The following TCF12 variants were observed in gnomAD, a reference collection of about 807,000 sequenced individuals.
The protein encoded by TCF12 is DNA-binding protein HTF4.
A neutral mutation model predicts 86.0 loss-of-function variants in TCF12; 45 were observed. That is an observed-to-expected ratio of 0.52 (90% confidence interval 0.41 to 0.67). The LOEUF is 0.67. Among genes scored for constraint, TCF12 ranks in the 30% least tolerant of loss-of-function variants. The pLI, the probability that TCF12 is intolerant of heterozygous loss-of-function variation, is 0.00. For missense variants in TCF12, 881 were observed against 859.9 expected, an observed-to-expected ratio of 1.02 and a Z score of -0.31; for synonymous variants, 330 against 299.6, an observed-to-expected ratio of 1.10 and a Z score of -1.05.
intron 3 of TCF12, among the ~76,000 whole-genome samples, chr15:56,993,905 G>GA (rs2063573175): frequency 6.6e-6 from 1 of 152,186 alleles, no homozygotes; most frequent in Non-Finnish European, 1.5e-5. Context: ...ACTCACATGA[G>GA]AAGAGGTGAT....
intron 5 of TCF12, among the ~76,000 whole-genome samples, chr15:57,095,492 T>C (rs2151138034): frequency 6.6e-6 from 1 of 152,334 alleles, no homozygotes; most frequent in Middle Eastern, 3.4e-3. Flanking sequence ...TACTATTATC[T>C]TTTTAATCCC....
intron 13 of TCF12, among the ~76,000 whole-genome samples, chr15:57,249,012 G>A (rs1441134312): frequency 6.6e-6 from 1 of 152,022 alleles, no homozygotes; most frequent in Non-Finnish European, 1.5e-5. Context: ...TGTTACGGGG[G>A]GGCTTACAGA....
At chr15:57,182,874 C>T (rs2056441351) in intron 6 of TCF12, among the ~76,000 whole-genome samples, 1 of 151,962 alleles carries the variant, frequency 6.6e-6, no homozygotes, top group South Asian at 2.1e-4. Context: ...GATTGTAATC[C>T]ACAAATTCAT....
chr15:57,138,093 C>T lies in TCF12; in HGVS notation c.326-28309C>T, dbSNP rs530106898. On this transcript the variant is annotated intron_variant, in intron 5 of 20. Coordinates refer to ENST00000333725, the MANE Select transcript of TCF12 (RefSeq NM_207037.2). ...ACTTGTTCTTCTCTTTTCAGTGGCCCATCCTTAAGCCAGTTCTCTCCTTGG... is the reference window on the plus strand; with the variant it reads ...ACTTGTTCTTCTCTTTTCAGTGGCCTATCCTTAAGCCAGTTCTCTCCTTGG... Among the ~76,000 whole-genome samples, 3 of 152,148 alleles carry T rather than the reference C, an allele frequency of 2.0e-5. No individual in the cohort carries two copies. In the East Asian group the frequency reaches 5.8e-4, roughly 29 times the overall value.
At position 57,136,958 on chromosome 15, in the gene TCF12, GTTTTTTTT is replaced by G. The variant is rs869113042; in HGVS notation, c.326-29440_326-29433del. 1.3e-3 allele frequency among the ~76,000 whole-genome samples: 106 copies of G among 83,044 alleles called. 2 individuals are homozygous for G. Among genetic ancestry groups the G allele is most frequent in the African/African-American group, 4.8e-3 (100 of 20,800 alleles). 54.5% of individuals were successfully genotyped at this position (83,044 alleles called of 152,430 possible). On this transcript the variant is annotated intron_variant, in intron 5 of 20. Coordinates refer to ENST00000333725, the MANE Select transcript of TCF12 (RefSeq NM_207037.2). The stretch of plus-strand genomic sequence containing the variant: ...TAGACAATAGCCACTGCTTCTGGCA[GTTTTTTTT>G]TTTGTTTTTTTTTTTTTTTTTTTTT...
At chr15:57,008,557 C>A (rs2064624627) in intron 3 of TCF12, among the ~76,000 whole-genome samples, 1 of 151,952 alleles carries the variant, frequency 6.6e-6, no homozygotes, top group African/African-American at 2.4e-5. Context: ...TTTCTTGAAG[C>A]CATCATGATT....
intron 4 of TCF12, among the ~76,000 whole-genome samples, chr15:57,083,207 C>G (rs2048421682): frequency 6.6e-6 from 1 of 152,048 alleles, no homozygotes; most frequent in African/African-American, 2.4e-5. Flanking sequence ...GGGGTTTAAA[C>G]TATACTGGTA....
In TCF12 at chr15:57,176,294, C is replaced by G. The variant is rs554892269; in HGVS notation, c.390+9828C>G. ...TTTCCAAATGGTGTTGATGATCCAT[C>G]TGAGGTTGGTGACCAGAAATTACTG... On this transcript the variant is annotated intron_variant, in intron 6 of 20. Transcript: ENST00000333725. 8.1e-4 allele frequency among the ~76,000 whole-genome samples: 124 copies of G among 152,296 alleles called. 2 individuals carry two copies. In the South Asian group the frequency reaches 0.025, roughly 31 times the overall value.
intron 3 of TCF12, among the ~76,000 whole-genome samples, chr15:56,924,323 T>C (rs1445378721): frequency 1.3e-5 from 2 of 152,218 alleles, no homozygotes; most frequent in Non-Finnish European, 2.9e-5. Flanking sequence ...CTTTTGTAAC[T>C]GCATCCACTT....
intron 3 of TCF12, among the ~76,000 whole-genome samples, chr15:56,936,777 C>T (rs754919079): frequency 4.0e-5 from 6 of 151,886 alleles, no homozygotes; most frequent in African/African-American, 7.2e-5. Context: ...TGTTGAAGAT[C>T]GGCTTTAAGT....
chr15:57,077,746 T>TA (rs369413643), intron 4 of TCF12, among the ~76,000 whole-genome samples: 12,993 of 148,498 alleles, frequency 0.087, 843 homozygotes, highest in Admixed American at 0.2. Context: ...TGTAGTTTTT[T>TA]AAAAAAAAAA....
intron 6 of TCF12, among the ~76,000 whole-genome samples, chr15:57,187,727 C>T (rs759329997): frequency 7.2e-5 from 11 of 151,946 alleles, no homozygotes; most frequent in African/African-American, 1.2e-4. Context: ...GACAGGAGTT[C>T]AAGACCAGCC....
chr15:57,116,486 C>T (rs1160503940), intron 5 of TCF12, among the ~76,000 whole-genome samples: 1 of 152,088 alleles, frequency 6.6e-6, no homozygotes, highest in Non-Finnish European at 1.5e-5. Context: ...GGTGGGACTA[C>T]AGGCACATGC....
intron 12 of TCF12, among the ~76,000 whole-genome samples, chr15:57,236,836 TAAAAA>T (rs1241762803): frequency 8.3e-6 from 1 of 120,936 alleles, no homozygotes; most frequent in Non-Finnish European, 1.8e-5. Context: ...TTAGTTTAGA[TAAAAA>T]AAAAGAAAAA....
Position 57,286,807 on chromosome 15 carries a change from T to A in TCF12, c.*662T>A, listed in dbSNP as rs531062580. The A allele has an allele frequency of 8.5e-5, 32 of 378,086 alleles. No individual in the cohort carries two copies. The highest frequency in any genetic ancestry group is 6.3e-4 in the South Asian group (31 of 49,332). The allele number at this position is 378,086 out of a possible 1,614,324, so 23.4% of individuals were successfully genotyped here. Reference sequence around the variant, plus strand: ...TTGCTCTCATTTTTTGATTTATTTTTATTTTCTCTTTGTGGGTGTTATATT... The same window carrying A: ...TTGCTCTCATTTTTTGATTTATTTTAATTTTCTCTTTGTGGGTGTTATATT... On this transcript the variant is annotated 3_prime_UTR_variant, in exon 21 of 21. Transcript: ENST00000333725.
At chr15:56,999,596 G>A (rs987704491) in intron 3 of TCF12, among the ~76,000 whole-genome samples, 2 of 152,158 alleles carry the variant, frequency 1.3e-5, no homozygotes, top group Admixed American at 6.5e-5. Context: ...GAATTTGGCC[G>A]GGTGCAGTGG....
chr15:56,949,003 A>G (rs1365594160), intron 3 of TCF12, among the ~76,000 whole-genome samples: 3 of 152,214 alleles, frequency 2.0e-5, no homozygotes, highest in Admixed American at 2.0e-4. Context: ...GTGACTATGC[A>G]TGAGGGAAAA....
At chr15:56,993,895 A>G (rs1403342248) in intron 3 of TCF12, among the ~76,000 whole-genome samples, 2 of 152,214 alleles carry the variant, frequency 1.3e-5, no homozygotes, top group African/African-American at 4.8e-5. Flanking sequence ...GAAGATTTCA[A>G]CTCACATGAG....
rs2059619649 is a variant in TCF12 at position 56,918,925 on chromosome 15, G to A, written c.-23+19G>A. 1.3e-5 allele frequency: 2 copies of A among 152,746 alleles called. No individual in the cohort carries two copies. Among genetic ancestry groups the A allele is most frequent in the East Asian group, 1.9e-4 (1 of 5,194 alleles). The allele number at this position is 152,746 out of a possible 1,614,324, so 9.5% of individuals were successfully genotyped here. On this transcript the variant is annotated intron_variant, in intron 1 of 20. Transcript: ENST00000333725. ...GCGGCAGGTAATTGCGGGCTAGCGA[G>A]CGGGAGTGGGGCGGCGCGGCGGGGC...
Sources: gnomAD v4.1 joint callset for allele counts (sites outside exome capture counted in the v4.1 genomes callset) on GRCh38, gnomAD v4.1.1 for gene constraint, MANE v1.5 for transcripts, NCBI Gene and HGNC (gene_info 2026-07-23, HGNC 2026-07-21) for gene names.